QTMAN: variants seen among roughly 807,000 people sequenced by gnomAD.
QTMAN encodes tRNA-queuosine alpha-mannosyltransferase.
the QTMAN span, among the ~76,000 whole-genome samples, chr2:144,130,132 T>A: frequency 6.6e-6 from 1 of 151,580 alleles, no homozygotes; most frequent in Non-Finnish European, 1.5e-5. Flanking sequence ...AATAGTAATT[T>A]ACACTTTTCC....
At chr2:144,009,710 C>T in the QTMAN span, among the ~76,000 whole-genome samples, 4 of 151,928 alleles carry the variant, frequency 2.6e-5, no homozygotes, top group African/African-American at 9.7e-5. Flanking sequence ...TGGAAAGAAA[C>T]CTGGGCATTT....
At chr2:144,058,735 T>G in the QTMAN span, among the ~76,000 whole-genome samples, 8 of 152,212 alleles carry the variant, frequency 5.3e-5, no homozygotes, top group Non-Finnish European at 1.2e-4. Context: ...AACTGTGTCC[T>G]ATAATCCTGC....
chr2:144,250,084 T>C, the QTMAN span, among the ~76,000 whole-genome samples: 1 of 151,962 alleles, frequency 6.6e-6, no homozygotes, highest in Admixed American at 6.6e-5. Context: ...TAAAGCTGTA[T>C]TCTTTTATCA....
the QTMAN span, among the ~76,000 whole-genome samples, chr2:144,167,971 T>C: frequency 3.3e-5 from 5 of 152,274 alleles, no homozygotes; most frequent in South Asian, 1.0e-3. Context: ...TTGAGTATCT[T>C]CTTAAAAAAC....
chr2:144,311,208 T>C, the QTMAN span, among the ~76,000 whole-genome samples: 2 of 152,236 alleles, frequency 1.3e-5, no homozygotes, highest in African/African-American at 4.8e-5. Context: ...ATCAAGATAC[T>C]CATTCTTATT....
chr2:144,096,712 T>G, the QTMAN span, among the ~76,000 whole-genome samples: 1 of 152,256 alleles, frequency 6.6e-6, no homozygotes, highest in Admixed American at 6.5e-5. Flanking sequence ...CACTGCTATG[T>G]GCAAGCAATC....
chr2:144,185,765 C>G, the QTMAN span, among the ~76,000 whole-genome samples: 1 of 152,108 alleles, frequency 6.6e-6, no homozygotes. Flanking sequence ...CAGGAGTTAG[C>G]TGTTTTCTGT....
At chr2:143,972,337 T>A in the QTMAN span, among the ~76,000 whole-genome samples, 1 of 152,164 alleles carries the variant, frequency 6.6e-6, no homozygotes, top group Non-Finnish European at 1.5e-5. Context: ...AGTGATAGTA[T>A]CACCATAGGG....
chr2:144,326,128 AAACT>A, the QTMAN span, among the ~76,000 whole-genome samples: 2 of 152,250 alleles, frequency 1.3e-5, no homozygotes, highest in Non-Finnish European at 2.9e-5. Context: ...CTTCATAATA[AAACT>A]AATTGTAAGA....
chr2:144,092,404 T>TAGGA, the QTMAN span, among the ~76,000 whole-genome samples: 2,094 of 152,150 alleles, frequency 0.014, 47 homozygotes, highest in African/African-American at 0.048. Flanking sequence ...CTTGATCTCC[T>TAGGA]GACCTTGTGA....
At chr2:144,077,508 C>T in the QTMAN span, among the ~76,000 whole-genome samples, 1 of 152,196 alleles carries the variant, frequency 6.6e-6, no homozygotes, top group African/African-American at 2.4e-5. Context: ...AACATTTCTC[C>T]CATGTGCACA....
chr2:144,114,549 T>C, the QTMAN span, among the ~76,000 whole-genome samples: 2 of 152,310 alleles, frequency 1.3e-5, no homozygotes, highest in South Asian at 2.1e-4. Flanking sequence ...TCAATGCCCT[T>C]GAGTATAATA....
At chr2:144,254,133 C>T in the QTMAN span, among the ~76,000 whole-genome samples, 3 of 152,164 alleles carry the variant, frequency 2.0e-5, no homozygotes, top group African/African-American at 2.4e-5. Flanking sequence ...CAAGAATTAA[C>T]GTTTGAGGCC....
chr2:144,245,048 T>C, the QTMAN span, among the ~76,000 whole-genome samples: 10 of 152,202 alleles, frequency 6.6e-5, no homozygotes, highest in East Asian at 1.9e-3. Flanking sequence ...CCCACCCCAA[T>C]AGGGTTATTA....
chr2:144,096,331 A>C, the QTMAN span, among the ~76,000 whole-genome samples: 2 of 152,186 alleles, frequency 1.3e-5, no homozygotes, highest in African/African-American at 4.8e-5. Flanking sequence ...ATCCACTTAA[A>C]AGAGAGCCAC....
the QTMAN span, among the ~76,000 whole-genome samples, chr2:144,154,980 A>C: frequency 6.6e-6 from 1 of 152,196 alleles, no homozygotes; most frequent in Non-Finnish European, 1.5e-5. Flanking sequence ...AAACTGGTTA[A>C]CTTTCCATTT....
chr2:144,077,280 GCACATTGCAAAGCAAAGTTTA>G, the QTMAN span, among the ~76,000 whole-genome samples: 1 of 152,188 alleles, frequency 6.6e-6, no homozygotes, highest in Admixed American at 6.5e-5. Context: ...TACCCATTCT[GCACATTGCAAAGCAAAGTTTA>G]CAATAAAATT....
the QTMAN span, among the ~76,000 whole-genome samples, chr2:144,313,172 C>T: frequency 2.0e-5 from 3 of 152,214 alleles, no homozygotes; most frequent in Admixed American, 2.0e-4. Flanking sequence ...ACAAAACTAA[C>T]TCCCCACTAG....
At chr2:144,300,955 T>C in the QTMAN span, among the ~76,000 whole-genome samples, 1 of 152,146 alleles carries the variant, frequency 6.6e-6, no homozygotes. Flanking sequence ...TATCTGCAAG[T>C]TTTTACTCTG....
Sources: allele counts gnomAD v4.1 joint callset (sites outside exome capture counted in the v4.1 genomes callset), GRCh38; gene constraint gnomAD v4.1.1; transcripts MANE v1.5; gene names NCBI Gene and HGNC (gene_info 2026-07-23, HGNC 2026-07-21).